SAMHD1: variants seen among roughly 807,000 people sequenced by gnomAD.
SAMHD1 encodes the protein SAM and HD domain containing deoxynucleoside triphosphate triphosphohydrolase 1.
SAMHD1 carries 54 observed loss-of-function variants against 79.6 expected under a neutral mutation model. That is an observed-to-expected ratio of 0.68 (90% CI 0.55 to 0.85). SAMHD1 has a LOEUF of 0.85. SAMHD1 is among the 40% of genes least tolerant of loss of function. The probability of loss-of-function intolerance (pLI) is 0.00; values close to 1 mark genes in which losing one functional copy is unlikely to be tolerated. For missense variants in SAMHD1, 663 were observed against 782.7 expected (o/e 0.85, Z 1.82); for synonymous variants, 260 against 264.1 (o/e 0.98, Z 0.15).
intron 1 of SAMHD1, among the ~76,000 whole-genome samples, chr20:36,950,625 TAA>T (rs1456941436): frequency 6.6e-6 from 1 of 152,174 alleles, no homozygotes; most frequent in African/African-American, 2.4e-5. Context: ...AAACTCAACC[TAA>T]ACACTTCTCC....
intron 6 of SAMHD1, among the ~76,000 whole-genome samples, chr20:36,923,844 G>A (rs1489814307): frequency 2.6e-5 from 4 of 152,168 alleles, no homozygotes. Flanking sequence ...CTAAAAGGAA[G>A]GAGCTGAGAA....
At position 36,890,313 on chromosome 20, in the gene SAMHD1, C is replaced by T. The variant is rs1403926811; in HGVS notation, c.*2619G>A. On this transcript the variant is annotated 3_prime_UTR_variant, in exon 16 of 16. Coordinates refer to ENST00000646673, the MANE Select transcript of SAMHD1 (RefSeq NM_015474.4). ...TTAATTTGCAGTTCTATTTACATTCCCAAGGTAACCACGTTCAGTAACTCT... is the reference window on the plus strand; with the variant it reads ...TTAATTTGCAGTTCTATTTACATTCTCAAGGTAACCACGTTCAGTAACTCT... 1 of 152,084 alleles carries T rather than the reference C, an allele frequency of 6.6e-6. No homozygotes were observed. The highest frequency in any genetic ancestry group is 6.6e-5 in the Admixed American group (1 of 15,262). The allele number at this position is 152,084 out of a possible 1,614,324, so 9.4% of individuals were successfully genotyped here.
At chr20:36,890,201 G>C (rs1210762754), downstream of SAMHD1, 1 of 152,156 alleles carries the variant, frequency 6.6e-6, no homozygotes, top group Non-Finnish European at 1.5e-5. Context: ...CGAAACCTTT[G>C]TGGAACACAA....
At chr20:36,924,646 C>T (rs189114394) in intron 6 of SAMHD1, among the ~76,000 whole-genome samples, 1 of 152,118 alleles carries the variant, frequency 6.6e-6, no homozygotes, top group African/African-American at 2.4e-5. Flanking sequence ...CTCAAGGGGG[C>T]GTGACATGAT....
intron 6 of SAMHD1, among the ~76,000 whole-genome samples, chr20:36,922,453 C>A (rs2063511874): frequency 6.6e-6 from 1 of 152,058 alleles, no homozygotes; most frequent in Non-Finnish European, 1.5e-5. Context: ...GTGGCATATT[C>A]ATAGCTCAGT....
intron 6 of SAMHD1, among the ~76,000 whole-genome samples, chr20:36,921,301 G>C (rs1258013776): frequency 6.9e-6 from 1 of 144,888 alleles, no homozygotes; most frequent in Non-Finnish European, 1.5e-5. Flanking sequence ...GCTGAAGCAG[G>C]AGAAACGCTT....
In SAMHD1 at chr20:36,935,096, T is replaced by A. The variant is rs1160346828; in HGVS notation, c.442A>T (p.Lys148Ter). ...TPQFQRLRYI[K>*]QLGGGYYVFP... ...ACATAGTAACCACCTCCCAGCTGTT[T>A]GATGTATCGAAGACGTTGAAATTGA... The change falls in exon 4 of 16, where the codon AAA becomes TAA. Residue 148 changes from lysine (K) to a stop codon, truncating the protein, a stop_gained. Transcript: ENST00000646673. LOFTEE classifies it high-confidence loss of function. The A allele has an allele frequency of 6.2e-7, 1 of 1,613,980 alleles. No individual in the cohort carries two copies. Among genetic ancestry groups the A allele is most frequent in the Non-Finnish European group, 8.5e-7 (1 of 1,179,988 alleles).
chr20:36,926,281 A>G lies in SAMHD1; in HGVS notation c.696+901T>C, dbSNP rs754497466. ...AGGATCAACTACTGAGGCACATAAC[A>G]TGAACAAATCTCAAAACCATTATGT... On this transcript the variant is annotated intron_variant, in intron 6 of 15. Coordinates refer to ENST00000646673, the MANE Select transcript of SAMHD1 (RefSeq NM_015474.4). Among the ~76,000 whole-genome samples, 14 of 152,208 alleles carry G rather than the reference A, an allele frequency of 9.2e-5. 1 individual carries two copies. Among genetic ancestry groups the G allele is most frequent in the Non-Finnish European group, 1.9e-4 (13 of 68,024 alleles).
At chr20:36,899,991 G>A (rs184888967) in intron 13 of SAMHD1, among the ~76,000 whole-genome samples, 388 of 151,898 alleles carry the variant, frequency 2.6e-3, no homozygotes, top group South Asian at 7.3e-3. Flanking sequence ...CTACTCAGGA[G>A]GCTGAGGCAG....
In SAMHD1 at chr20:36,951,700, A is replaced by C; in HGVS notation, c.-57T>G. 6.2e-7 allele frequency: 1 copy of C among 1,608,538 alleles called. No homozygotes were observed. Among genetic ancestry groups the C allele is most frequent in the East Asian group, 2.2e-5 (1 of 44,880 alleles). On this transcript the variant is annotated 5_prime_UTR_variant, in exon 1 of 16. Transcript: ENST00000646673. ...GAACCTCGGCGCCGGACCCGCGCGC[A>C]GGCGCACTGACAGCAGGGCCCTGGC... is the stretch of plus-strand genomic sequence containing the variant.
chr20:36,893,317 ACC>A, intron 15 of SAMHD1: 1 of 550,552 alleles, frequency 1.8e-6, no homozygotes, highest in South Asian at 2.0e-5. Context: ...GGAGCAGCAT[ACC>A]ACTGCCCACC....
chr20:36,949,416 A>G (rs2063717323), intron 1 of SAMHD1, among the ~76,000 whole-genome samples: 1 of 151,132 alleles, frequency 6.6e-6, no homozygotes, highest in Admixed American at 6.6e-5. Flanking sequence ...CAAGAGTTTG[A>G]GACCAGCCTG....
chr20:36,899,575 A>G lies in SAMHD1; in HGVS notation c.1504-1031T>C, dbSNP rs372861462. On this transcript the variant is annotated intron_variant, in intron 13 of 15. Transcript: ENST00000646673. ...TCTAACAGGTTACCTGATGTAGCCTAGGGTGCCCGGAGAATGACCGGAAAC... is the reference window on the plus strand; with the variant it reads ...TCTAACAGGTTACCTGATGTAGCCTGGGGTGCCCGGAGAATGACCGGAAAC... 1.1e-4 allele frequency among the ~76,000 whole-genome samples: 16 copies of G among 152,318 alleles called. No individual in the cohort carries two copies. The South Asian group carries it at 1.2e-3, about 12-fold the overall frequency.
At chr20:36,926,881 G>T in intron 6 of SAMHD1, 1 of 307,324 alleles carries the variant, frequency 3.3e-6, no homozygotes, top group Non-Finnish European at 6.1e-6. Flanking sequence ...TATTAAACTG[G>T]CAACTGGTTT....
intron 2 of SAMHD1, among the ~76,000 whole-genome samples, chr20:36,941,446 C>G (rs1412047372): frequency 6.6e-6 from 1 of 152,168 alleles, no homozygotes; most frequent in African/African-American, 2.4e-5. Flanking sequence ...AAGTCAACAT[C>G]TACCCTCATA....
At chr20:36,929,288 A>C (rs1027938678) in intron 5 of SAMHD1, among the ~76,000 whole-genome samples, 4 of 152,108 alleles carry the variant, frequency 2.6e-5, no homozygotes, top group African/African-American at 9.7e-5. Context: ...CGGGGGACAT[A>C]AAAAGAGTGC....
chr20:36,934,497 T>A, intron 4 of SAMHD1, among the ~76,000 whole-genome samples: 2 of 104,272 alleles, frequency 1.9e-5, no homozygotes, highest in African/African-American at 3.8e-5. Flanking sequence ...CACTCCAGCC[T>A]AGTGAAAGAG....
intron 15 of SAMHD1, chr20:36,893,779 T>C: frequency 7.5e-6 from 3 of 397,412 alleles, no homozygotes; most frequent in Non-Finnish European, 1.3e-5. Context: ...GGATTCGTGC[T>C]CCTCATCTGC....
In SAMHD1 at chr20:36,890,486, CAG is replaced by C. The variant is rs1471867946; in HGVS notation, c.*2444_*2445del. ...TTCCTTTCTTTCTTTTTGTTTGAGA[CAG>C]AGTTTCGCTCTTGACCCCGAGGCTG... On this transcript the variant is annotated 3_prime_UTR_variant, in exon 16 of 16. Transcript: ENST00000646673. 1.4e-5 allele frequency: 2 copies of C among 147,604 alleles called. No homozygotes were observed. Among genetic ancestry groups the C allele is most frequent in the South Asian group, 2.2e-4 (1 of 4,576 alleles). The allele number at this position is 147,604 out of a possible 1,614,324, so 9.1% of individuals were successfully genotyped here.
Sources: allele counts gnomAD v4.1 joint callset (sites outside exome capture counted in the v4.1 genomes callset), GRCh38; gene constraint gnomAD v4.1.1; transcripts MANE v1.5; gene names NCBI Gene and HGNC (gene_info 2026-07-23, HGNC 2026-07-21).